Variants in PTPRG observed in about 807,000 individuals in gnomAD.
PTPRG encodes the protein protein tyrosine phosphatase receptor type G.
A neutral mutation model predicts 165.3 loss-of-function variants in PTPRG; 102 were observed. That is an observed-to-expected ratio of 0.62 (90% CI 0.53 to 0.73). PTPRG has a LOEUF of 0.73. Among genes scored for constraint, PTPRG ranks in the 30% least tolerant of loss-of-function variants. PTPRG has a pLI of 0.00. For synonymous variants in PTPRG, 675 were observed against 669.5 expected, an observed-to-expected ratio of 1.01 and a Z score of -0.13; for missense variants, 1,866 against 1,861.4, an observed-to-expected ratio of 1.00 and a Z score of -0.05.
At chr3:61,848,929 T>G (rs1432045519) in intron 2 of PTPRG, among the ~76,000 whole-genome samples, 3 of 152,238 alleles carry the variant, frequency 2.0e-5, no homozygotes, top group Non-Finnish European at 2.9e-5. Context: ...TTCAGGGAAG[T>G]CAGGCCATCT....
intron 2 of PTPRG, among the ~76,000 whole-genome samples, chr3:61,834,800 G>A (rs995207900): frequency 6.8e-6 from 1 of 147,026 alleles, no homozygotes; most frequent in Non-Finnish European, 1.5e-5. Flanking sequence ...GCTGGAGTGA[G>A]ACTCCATCTC....
intron 1 of PTPRG, among the ~76,000 whole-genome samples, chr3:61,705,159 C>T (rs2031182372): frequency 6.6e-6 from 1 of 152,146 alleles, no homozygotes; most frequent in Admixed American, 6.5e-5. Context: ...TGACCACATA[C>T]CCCATAGGCA....
At chr3:61,902,927 G>A (rs975845782) in intron 2 of PTPRG, among the ~76,000 whole-genome samples, 2 of 152,054 alleles carry the variant, frequency 1.3e-5, no homozygotes, top group African/African-American at 4.8e-5. Context: ...TAGGAGAGTC[G>A]CCCCTCAACT....
At chr3:61,987,022 C>T (rs1249517153) in intron 2 of PTPRG, among the ~76,000 whole-genome samples, 3 of 151,874 alleles carry the variant, frequency 2.0e-5, no homozygotes, top group African/African-American at 7.3e-5. Flanking sequence ...TGGTATAATT[C>T]TCAGTCTTTT....
intron 3 of PTPRG, among the ~76,000 whole-genome samples, chr3:61,998,860 C>G (rs1400617615): frequency 6.6e-6 from 1 of 152,214 alleles, no homozygotes; most frequent in Non-Finnish European, 1.5e-5. Context: ...CTAGTTAGTT[C>G]AGGCTGCTGT....
At chr3:62,165,477 A>G (rs1054514206) in intron 7 of PTPRG, among the ~76,000 whole-genome samples, 1 of 152,134 alleles carries the variant, frequency 6.6e-6, no homozygotes, top group African/African-American at 2.4e-5. Context: ...AATCAGTCCA[A>G]TTTTCCTAAT....
At chr3:62,037,361 A>G (rs1413485396) in intron 4 of PTPRG, among the ~76,000 whole-genome samples, 1 of 152,056 alleles carries the variant, frequency 6.6e-6, no homozygotes, top group African/African-American at 2.4e-5. Flanking sequence ...CTCATTTCTT[A>G]CCTTTAATCT....
rs189425780 is a variant in PTPRG at position 62,281,160 on chromosome 3, A to C, written c.3766-403A>C. Among the ~76,000 whole-genome samples the C allele has an allele frequency of 3.1e-3, 473 of 152,240 alleles. 4 individuals carry two copies. The highest frequency in any genetic ancestry group is 3.4e-3 in the Middle Eastern group (1 of 294). On this transcript the variant is annotated intron_variant, in intron 26 of 29. Transcript: ENST00000474889. ...AAAGTCCTTTGCAAAATGCAGTTCA[A>C]CTACAGAATTATTAACATAATCCAC...
intron 2 of PTPRG, among the ~76,000 whole-genome samples, chr3:61,800,149 CTG>C (rs2035188693): frequency 6.6e-6 from 1 of 152,168 alleles, no homozygotes; most frequent in Non-Finnish European, 1.5e-5. Flanking sequence ...TATTGTGTGA[CTG>C]TGTCCATCAG....
chr3:61,732,365 C>T (rs2032535469), intron 1 of PTPRG, among the ~76,000 whole-genome samples: 1 of 152,088 alleles, frequency 6.6e-6, no homozygotes, highest in South Asian at 2.1e-4. Flanking sequence ...ATCACGAGGT[C>T]AGGAGATTGA....
In PTPRG at chr3:62,155,902, T is replaced by G. The variant is rs528092213; in HGVS notation, c.683-1165T>G. Among the ~76,000 whole-genome samples, 2 of 152,174 alleles carry G rather than the reference T, an allele frequency of 1.3e-5. 1 individual carries two copies. Among genetic ancestry groups the G allele is most frequent in the African/African-American group, 4.8e-5 (2 of 41,490 alleles). On this transcript the variant is annotated intron_variant, in intron 6 of 29. Coordinates refer to ENST00000474889, the MANE Select transcript of PTPRG (RefSeq NM_002841.4). ...CCTGGAACCCTGTTCCCGGGGCTGG[T>G]GGAAGCCATGAAGGAGCTAAGGGAC... is the stretch of plus-strand genomic sequence containing the variant.
At chr3:62,029,510 C>T (rs1699693766) in intron 4 of PTPRG, among the ~76,000 whole-genome samples, 1 of 152,186 alleles carries the variant, frequency 6.6e-6, no homozygotes, top group Admixed American at 6.5e-5. Context: ...TCAGCATGTC[C>T]TCTGAAAGGA....
At chr3:62,045,584 T>A (rs542111746) in intron 4 of PTPRG, among the ~76,000 whole-genome samples, 1 of 152,248 alleles carries the variant, frequency 6.6e-6, no homozygotes, top group Non-Finnish European at 1.5e-5. Flanking sequence ...GTAGATCTTA[T>A]TGCCCTCAAT....
At chr3:61,827,237 C>T (rs1252900180) in intron 2 of PTPRG, among the ~76,000 whole-genome samples, 1 of 152,210 alleles carries the variant, frequency 6.6e-6, no homozygotes, top group African/African-American at 2.4e-5. Flanking sequence ...AAACATCTTG[C>T]TGTTGTAAGA....
intron 13 of PTPRG, among the ~76,000 whole-genome samples, chr3:62,227,824 C>G (rs2106911893): frequency 6.6e-6 from 1 of 152,224 alleles, no homozygotes; most frequent in East Asian, 1.9e-4. Context: ...GCCTCCAGAC[C>G]AATTTTATTT....
intron 1 of PTPRG, among the ~76,000 whole-genome samples, chr3:61,691,265 G>A (rs2030190107): frequency 6.6e-6 from 1 of 151,974 alleles, no homozygotes; most frequent in Non-Finnish European, 1.5e-5. Flanking sequence ...TAATTAGCTG[G>A]GTGTGGTGGC....
chr3:61,709,503 G>C (rs879829640), intron 1 of PTPRG, among the ~76,000 whole-genome samples: 3 of 151,828 alleles, frequency 2.0e-5, no homozygotes, highest in Non-Finnish European at 4.4e-5. Flanking sequence ...TTAGTAGAGA[G>C]GGCGTTTTGC....
At chr3:61,658,549 A>T (rs552753049) in intron 1 of PTPRG, among the ~76,000 whole-genome samples, 1 of 152,106 alleles carries the variant, frequency 6.6e-6, no homozygotes, top group East Asian at 1.9e-4. Flanking sequence ...CTGGTGTTTT[A>T]TTCTCCCCAT....
intron 2 of PTPRG, among the ~76,000 whole-genome samples, chr3:61,887,172 T>TATATATA (rs1559670290): frequency 5.7e-5 from 6 of 105,054 alleles, no homozygotes; most frequent in Non-Finnish European, 8.0e-5. Flanking sequence ...ATATATATAT[T>TATATATA]TTTAATGCCA....
Sources: gnomAD v4.1 joint callset for allele counts (sites outside exome capture counted in the v4.1 genomes callset) on GRCh38, gnomAD v4.1.1 for gene constraint, MANE v1.5 for transcripts, NCBI Gene and HGNC (gene_info 2026-07-23, HGNC 2026-07-21) for gene names.